MTHFS: variants seen among roughly 807,000 people sequenced by gnomAD.
MTHFS encodes the protein 5-formyltetrahydrofolate cyclo-ligase.
Under a neutral mutation model 12.7 loss-of-function variants are expected in MTHFS, and 7 were observed. The ratio of observed to expected loss-of-function variants is 0.55; its 90% CI spans 0.31 to 1.03. The LOEUF (loss-of-function observed/expected upper bound fraction) is 1.03, where lower values mean the gene tolerates loss of function less well. MTHFS is among the 50% of genes least tolerant of loss of function. The probability of loss-of-function intolerance (pLI) is 0.05; values close to 1 mark genes in which losing one functional copy is unlikely to be tolerated. For missense variants in MTHFS, 252 were observed against 258.1 expected, an observed-to-expected ratio of 0.98 and a Z score of 0.16; for synonymous variants, 100 against 97.1, an observed-to-expected ratio of 1.03 and a Z score of -0.18.
intron 2 of MTHFS, among the ~76,000 whole-genome samples, chr15:79,846,403 A>C (rs16971427): frequency 0.025 from 3,742 of 152,272 alleles, 163 homozygotes; most frequent in African/African-American, 0.085. Context: ...TAGTTGTGGA[A>C]TAACCATTCA....
rs565615797 is a variant in MTHFS, at chr15:79,850,274, A to G, written c.380-4832T>C. ...AGTATTTTTTGACCAGAGCTTTTAC[A>G]ATCTTACCTTAGAACTGGCTCTTAC... is the stretch of plus-strand genomic sequence containing the variant. On this transcript the variant is annotated intron_variant, in intron 2 of 2. Coordinates refer to ENST00000258874, the MANE Select transcript of MTHFS (RefSeq NM_006441.4). Among the ~76,000 whole-genome samples the G allele has an allele frequency of 7.9e-5, 12 of 152,362 alleles. No homozygotes were observed. In the South Asian group the frequency reaches 1.2e-3, roughly 16 times the overall value.
chr15:79,843,658 C>G lies in MTHFS; in HGVS notation c.*1552G>C, dbSNP rs2033558692. The G allele has an allele frequency of 6.6e-6, 1 of 152,190 alleles. No homozygotes were observed. Among genetic ancestry groups the G allele is most frequent in the Non-Finnish European group, 1.5e-5 (1 of 68,040 alleles). The allele number at this position is 152,190 out of a possible 1,614,324, so 9.4% of individuals were successfully genotyped here. A position where few individuals can be genotyped will look rare whatever the true frequency, so the allele number is the denominator to read the frequency against. ...ACACTTCCAATGTATTCAATTATTT[C>G]ATTAAAAAATTCTCTCTCTCACACA... On this transcript the variant is annotated 3_prime_UTR_variant, in exon 3 of 3. Transcript: ENST00000258874.
At chr15:79,869,114 A>G (rs1228700232) in intron 2 of MTHFS, among the ~76,000 whole-genome samples, 1 of 152,236 alleles carries the variant, frequency 6.6e-6, no homozygotes, top group Non-Finnish European at 1.5e-5. Flanking sequence ...ATTTAATAAA[A>G]TATACAAAAG....
chr15:79,878,428 C>G lies in MTHFS; in HGVS notation c.379+10665G>C, dbSNP rs118019660. ...CAAAAGCAAGGATACAGAGGCAAGA[C>G]AAGACGGTTAATCAAATTGTAACAG... On this transcript the variant is annotated intron_variant, in intron 2 of 2. Transcript: ENST00000258874. Among the ~76,000 whole-genome samples the G allele has an allele frequency of 1.6e-3, 248 of 151,146 alleles. 1 individual carries two copies. The highest frequency in any genetic ancestry group is 0.014 in the Middle Eastern group (4 of 292).
chr15:79,863,918 G>A (rs775967898), intron 2 of MTHFS, among the ~76,000 whole-genome samples: 8 of 152,244 alleles, frequency 5.3e-5, no homozygotes, highest in African/African-American at 9.6e-5. Flanking sequence ...ACATGCAGCC[G>A]AATCTGATTC....
intron 1 of MTHFS, among the ~76,000 whole-genome samples, chr15:79,890,660 T>A (rs897862809): frequency 1.3e-5 from 2 of 152,220 alleles, no homozygotes; most frequent in African/African-American, 4.8e-5. Context: ...GCCATAAAAG[T>A]AGCTTATAAA....
chr15:79,889,471 A>C, intron 1 of MTHFS, 117 bp from the exon 2 acceptor site: 1 of 1,294,074 alleles, frequency 7.7e-7, no homozygotes, highest in Non-Finnish European at 1.0e-6. Flanking sequence ...AAAAGAAAAA[A>C]AAAGGGGGGG....
intron 2 of MTHFS, among the ~76,000 whole-genome samples, chr15:79,869,687 G>A (rs1394757920): frequency 1.3e-5 from 2 of 152,140 alleles, no homozygotes; most frequent in East Asian, 3.9e-4. Context: ...TCCCACCTCG[G>A]CCTCCAAAAG....
intron 2 of MTHFS, among the ~76,000 whole-genome samples, chr15:79,887,634 G>A (rs2034404222): frequency 6.6e-6 from 1 of 152,198 alleles, no homozygotes; most frequent in African/African-American, 2.4e-5. Flanking sequence ...CATTAAGTTT[G>A]AGCAAAGTCA....
chr15:79,853,289 A>AT (rs2033746201), intron 2 of MTHFS, among the ~76,000 whole-genome samples: 1 of 152,170 alleles, frequency 6.6e-6, no homozygotes, highest in African/African-American at 2.4e-5. Context: ...TCATCCTTAT[A>AT]TTTTTTAAAC....
At chr15:79,878,005 G>C (rs535048762) in intron 2 of MTHFS, 1 of 152,160 alleles carries the variant, frequency 6.6e-6, no homozygotes, top group Middle Eastern at 3.4e-3. Flanking sequence ...AAAGACTAAA[G>C]AAAATCCTTT....
At chr15:79,884,702 A>T (rs2034352927) in intron 2 of MTHFS, among the ~76,000 whole-genome samples, 1 of 152,214 alleles carries the variant, frequency 6.6e-6, no homozygotes, top group Non-Finnish European at 1.5e-5. Flanking sequence ...AATATGAAAA[A>T]CAAAAAAGAA....
chr15:79,871,364 G>C (rs1315920044), intron 2 of MTHFS, among the ~76,000 whole-genome samples: 1 of 152,038 alleles, frequency 6.6e-6, no homozygotes, highest in Non-Finnish European at 1.5e-5. Flanking sequence ...TGATGACAAA[G>C]GTAACAGAAA....
intron 2 of MTHFS, among the ~76,000 whole-genome samples, chr15:79,849,569 TCAGAATTCAATAGGGGAGA>T (rs1275029766): frequency 6.6e-6 from 1 of 152,084 alleles, no homozygotes; most frequent in Non-Finnish European, 1.5e-5. Flanking sequence ...CACCACAAGG[TCAGAATTCAATAGGGGAGA>T]CAGAAGAAAA....
rs78031217 is a variant in MTHFS, at chr15:79,855,296, T to A, written c.380-9854A>T. Among the ~76,000 whole-genome samples the A allele has an allele frequency of 5.3e-3, 807 of 152,356 alleles. 5 individuals carry two copies. The highest frequency in any genetic ancestry group is 0.018 in the African/African-American group (733 of 41,588). On this transcript the variant is annotated intron_variant, in intron 2 of 2. Transcript: ENST00000258874. ...TTACTGCAGATATGTAAAAATGCTC[T>A]GCAGAAAATAGGATCCACATCAGCA...
intron 2 of MTHFS, among the ~76,000 whole-genome samples, chr15:79,868,899 C>T (rs71409259): frequency 0.049 from 7,511 of 152,012 alleles, 284 homozygotes; most frequent in Admixed American, 0.074. Flanking sequence ...TAGATGTACA[C>T]GCACACACAC....
chr15:79,848,393 T>C (rs62027983), intron 2 of MTHFS, among the ~76,000 whole-genome samples: 23,951 of 152,172 alleles, frequency 0.16, 2,037 homozygotes, highest in Middle Eastern at 0.22. Context: ...GTTTCATTCA[T>C]GGAAGATGAA....
intron 2 of MTHFS, among the ~76,000 whole-genome samples, chr15:79,851,551 C>T (rs1316183674): frequency 1.3e-5 from 2 of 152,110 alleles, no homozygotes; most frequent in African/African-American, 2.4e-5. Context: ...AAAGCGCCTA[C>T]GATGTGTCAG....
At chr15:79,883,061 A>G (rs1271022360) in intron 2 of MTHFS, among the ~76,000 whole-genome samples, 1 of 152,178 alleles carries the variant, frequency 6.6e-6, no homozygotes, top group Non-Finnish European at 1.5e-5. Flanking sequence ...AAAATTAGTC[A>G]GGCATGGTAG....
Sources: gnomAD v4.1 joint callset for allele counts (sites outside exome capture counted in the v4.1 genomes callset) on GRCh38, gnomAD v4.1.1 for gene constraint, MANE v1.5 for transcripts, NCBI Gene and HGNC (gene_info 2026-07-23, HGNC 2026-07-21) for gene names.